SLC35A5: variants seen among roughly 807,000 people sequenced by gnomAD.
The protein encoded by SLC35A5 is solute carrier family 35 member A5.
Under a neutral mutation model 36.3 loss-of-function variants are expected in SLC35A5, and 28 were observed. The ratio of observed to expected loss-of-function variants is 0.77; its 90% CI spans 0.57 to 1.06. The LOEUF (loss-of-function observed/expected upper bound fraction) is 1.06, where lower values mean the gene tolerates loss of function less well. Among genes scored for constraint, SLC35A5 ranks in the 50% least tolerant of loss-of-function variants. SLC35A5 has a pLI of 0.00. For missense variants in SLC35A5, 521 were observed against 499.3 expected, an observed-to-expected ratio of 1.04 and a Z score of -0.41; for synonymous variants, 180 against 173.7, an observed-to-expected ratio of 1.04 and a Z score of -0.29.
In SLC35A5 at chr3:112,581,225, ATATT is replaced by A; in HGVS notation, c.1116_1119del (p.Tyr373MetfsTer20). The A allele has an allele frequency of 3.7e-6, 6 of 1,613,722 alleles. No individual in the cohort carries two copies. Among genetic ancestry groups the A allele is most frequent in the Non-Finnish European group, 5.1e-6 (6 of 1,179,864 alleles). On this transcript the variant is annotated frameshift_variant, in exon 6 of 7. Transcript: ENST00000492406. LOFTEE classifies it high-confidence loss of function. ...GGAAGCCCCATCAGTCCTTCTCTCT[ATATT>A]TATTTATAATGCCAGCAAGCCTCAA...
chr3:112,581,600 C>T (rs1041235097), intron 6 of SLC35A5, among the ~76,000 whole-genome samples: 3 of 152,106 alleles, frequency 2.0e-5, no homozygotes, highest in African/African-American at 7.2e-5. Flanking sequence ...GAAGATACCT[C>T]ACAGGTTGTC....
Position 112,580,934 on chromosome 3 carries a change from T to G in SLC35A5, c.817T>G (p.Phe273Val). ...SIFIQNSKLY[F>V]FGILFNGLTL... is the part of the protein sequence containing the mutation. ...CTTCATACAGAACAGCAAACTCTAT[T>G]TCTTTGGCATTCTGTTTAATGGGCT... The change falls in exon 6 of 7, where the codon TTC becomes GTC. Residue 273 changes from phenylalanine to valine, a missense_variant. Phe to Val is a conservative substitution (Grantham distance 50). Transcript: ENST00000492406. 6.2e-7 allele frequency: 1 copy of G among 1,614,116 alleles called. No homozygotes were observed. The highest frequency in any genetic ancestry group is 8.5e-7 in the Non-Finnish European group (1 of 1,179,978).
At chr3:112,565,868 T>C (rs1459567551) in intron 2 of SLC35A5, among the ~76,000 whole-genome samples, 1 of 152,204 alleles carries the variant, frequency 6.6e-6, no homozygotes, top group Non-Finnish European at 1.5e-5. Context: ...AAGGACTTCA[T>C]ATTCCATGGT....
intron 3 of SLC35A5, 69 bp downstream of exon 3, chr3:112,569,338 A>G (rs1934334629): frequency 6.0e-6 from 7 of 1,158,394 alleles, no homozygotes; most frequent in South Asian, 3.8e-5. Context: ...TGGAAGGAAC[A>G]TTTTGTATCA....
In SLC35A5 at chr3:112,580,474, C is replaced by CT. The variant is rs377561646; in HGVS notation, c.429-71dup. ...TTTATTCAACCAAATACTCAAGTGT[C>CT]TGAGTTTTCAGTAGAAACTATTGAT... On this transcript the variant is annotated intron_variant, in intron 5 of 6. Coordinates refer to ENST00000492406, the MANE Select transcript of SLC35A5 (RefSeq NM_017945.5). The CT allele has an allele frequency of 4.6e-5, 68 of 1,462,774 alleles. No individual in the cohort carries two copies. The East Asian group carries it at 1.5e-3, about 33-fold the overall frequency. 90.6% of individuals were successfully genotyped at this position (1,462,774 alleles called of 1,614,324 possible). A position where few individuals can be genotyped will look rare whatever the true frequency, so the allele number is the denominator to read the frequency against.
At chr3:112,578,422 A>G (rs998059591) in intron 5 of SLC35A5, among the ~76,000 whole-genome samples, 4 of 152,224 alleles carry the variant, frequency 2.6e-5, no homozygotes, top group African/African-American at 7.2e-5. Context: ...GCCCTCAGGA[A>G]GAGTAGCCTT....
At chr3:112,578,722 T>C (rs1934767314) in intron 5 of SLC35A5, among the ~76,000 whole-genome samples, 1 of 152,208 alleles carries the variant, frequency 6.6e-6, no homozygotes, top group Admixed American at 6.5e-5. Flanking sequence ...GAAGGTGTTG[T>C]TTAGCTTAAG....
At chr3:112,566,705 GT>G (rs1934211185) in intron 2 of SLC35A5, among the ~76,000 whole-genome samples, 2 of 152,214 alleles carry the variant, frequency 1.3e-5, no homozygotes, top group African/African-American at 4.8e-5. Flanking sequence ...ATGAGAATAT[GT>G]TTGATAATCT....
rs1934870237 is a variant in SLC35A5, at chr3:112,580,719, G to C, written c.602G>C (p.Arg201Thr). The C allele has an allele frequency of 6.2e-7, 1 of 1,614,162 alleles. No individual in the cohort carries two copies. The highest frequency in any genetic ancestry group is 1.3e-5 in the African/African-American group (1 of 75,060). ...CTTCTTTTCAGAAGTGAGTGTCCCA[G>C]AAAAGACAATTGTACAGCAAAGGAA... The part of the protein sequence containing the change: ...SCLLFRSECP[R>T]KDNCTAKEWT... The change falls in exon 6 of 7, where the codon AGA becomes ACA. Residue 201 changes from arginine to threonine, a missense_variant. Coordinates refer to ENST00000492406, the MANE Select transcript of SLC35A5 (RefSeq NM_017945.5).
At chr3:112,578,113 A>G (rs1934748283) in intron 5 of SLC35A5, among the ~76,000 whole-genome samples, 1 of 152,216 alleles carries the variant, frequency 6.6e-6, no homozygotes, top group Non-Finnish European at 1.5e-5. Flanking sequence ...ATGTAAATAT[A>G]CATGTATTCA....
intron 4 of SLC35A5, among the ~76,000 whole-genome samples, chr3:112,570,983 C>T (rs1398101452): frequency 6.6e-6 from 1 of 152,156 alleles, no homozygotes; most frequent in African/African-American, 2.4e-5. Context: ...GTCCTGTGGC[C>T]ACTAACCTCT....
intron 5 of SLC35A5, among the ~76,000 whole-genome samples, chr3:112,579,412 T>C (rs892758087): frequency 6.6e-6 from 1 of 152,148 alleles, no homozygotes; most frequent in Non-Finnish European, 1.5e-5. Context: ...TCTTTTTTTC[T>C]CGGTGTTCCC....
Position 112,569,209 on chromosome 3 carries a change from T to C in SLC35A5, c.169T>C (p.Cys57Arg). 2.5e-6 allele frequency: 4 copies of C among 1,613,968 alleles called. No individual in the cohort carries two copies. The highest frequency in any genetic ancestry group is 3.4e-6 in the Non-Finnish European group (4 of 1,179,926). The change falls in exon 3 of 7, where the codon TGC becomes CGC. Residue 57 changes from cysteine to arginine, a missense_variant. Coordinates refer to ENST00000492406, the MANE Select transcript of SLC35A5 (RefSeq NM_017945.5). ...TTATCTTCCAACTACTGTGAATGTG[T>C]GCTCAGAACTGGTGAAGCTAGTTTT... The part of the protein sequence containing the change: ...YDYLPTTVNV[C>R]SELVKLVFCV...
rs1323629856 is a variant in SLC35A5, at chr3:112,569,194, A to G, written c.154A>G (p.Thr52Ala). Reference sequence around the variant, plus strand: ...AGAAAACAAGTATGATTATCTTCCAACTACTGTGAATGTGTGCTCAGAACT... The same window carrying G: ...AGAAAACAAGTATGATTATCTTCCAGCTACTGTGAATGTGTGCTCAGAACT... ...NEENKYDYLP[T>A]TVNVCSELVK... The change falls in exon 3 of 7, where the codon ACT (threonine) becomes GCT (alanine). Residue 52 changes from threonine (T) to alanine (A), a missense_variant. Coordinates refer to ENST00000492406, the MANE Select transcript of SLC35A5 (RefSeq NM_017945.5). The G allele has an allele frequency of 2.5e-6, 4 of 1,613,560 alleles. No homozygotes were observed. The highest frequency in any genetic ancestry group is 2.2e-5 in the South Asian group (2 of 90,906).
chr3:112,582,634 G>A, intron 6 of SLC35A5, 37 bp from the exon 7 acceptor site: 2 of 1,543,686 alleles, frequency 1.3e-6, no homozygotes, highest in Non-Finnish European at 8.9e-7. Context: ...TACATTTCCA[G>A]TTTTGTTCTA....
chr3:112,565,235 A>G (rs1337583820), intron 2 of SLC35A5, among the ~76,000 whole-genome samples: 2 of 152,236 alleles, frequency 1.3e-5, no homozygotes, highest in African/African-American at 4.8e-5. Flanking sequence ...AATAACTGCA[A>G]TAATTGATAT....
intron 2 of SLC35A5, among the ~76,000 whole-genome samples, chr3:112,566,618 AAG>A (rs1378046414): frequency 1.3e-5 from 2 of 152,230 alleles, no homozygotes; most frequent in African/African-American, 4.8e-5. Flanking sequence ...ATAGAAAGGA[AAG>A]AAAGTTTGAA....
intron 5 of SLC35A5, among the ~76,000 whole-genome samples, chr3:112,578,079 AAAC>A (rs1934746827): frequency 1.3e-5 from 2 of 152,216 alleles, no homozygotes; most frequent in Admixed American, 1.3e-4. Flanking sequence ...GAAAATATCT[AAAC>A]AATTTATTTT....
chr3:112,564,735 A>G (rs1416871337), intron 2 of SLC35A5, among the ~76,000 whole-genome samples: 1 of 152,198 alleles, frequency 6.6e-6, no homozygotes, highest in Non-Finnish European at 1.5e-5. Flanking sequence ...TCCTAGGCAG[A>G]GGTCGCTGCG....
Sources: gnomAD v4.1 joint callset for allele counts (sites outside exome capture counted in the v4.1 genomes callset) on GRCh38, gnomAD v4.1.1 for gene constraint, MANE v1.5 for transcripts, NCBI Gene and HGNC (gene_info 2026-07-23, HGNC 2026-07-21) for gene names.